SP3: variants seen among roughly 807,000 people sequenced by gnomAD.
SP3 encodes Sp3 transcription factor.
Under a neutral mutation model 70.3 loss-of-function variants are expected in SP3, and 10 were observed. The observed-to-expected ratio is 0.14, with a 90% CI of 0.09 to 0.24. The LOEUF (loss-of-function observed/expected upper bound fraction) is 0.24, where lower values mean the gene tolerates loss of function less well. Among genes scored for constraint, SP3 ranks in the 10% least tolerant of loss-of-function variants. The probability of loss-of-function intolerance (pLI) is 1.00; values close to 1 mark genes in which losing one functional copy is unlikely to be tolerated. For synonymous variants in SP3, 402 were observed against 333.5 expected (o/e 1.21, Z -2.24); for missense variants, 825 against 914.6 (o/e 0.90, Z 1.26).
At chr2:173,940,755 C>T (rs1456972267) in intron 4 of SP3, among the ~76,000 whole-genome samples, 1 of 152,172 alleles carries the variant, frequency 6.6e-6, no homozygotes, top group Non-Finnish European at 1.5e-5. Flanking sequence ...CTCAGATGAC[C>T]ACTTCATACC....
intron 4 of SP3, among the ~76,000 whole-genome samples, chr2:173,930,201 G>C (rs1032825842): frequency 1.3e-5 from 2 of 152,134 alleles, no homozygotes; most frequent in Non-Finnish European, 2.9e-5. Flanking sequence ...TCATAACCCT[G>C]ACTGGATCCT....
intron 4 of SP3, among the ~76,000 whole-genome samples, chr2:173,938,140 A>G (rs765466260): frequency 6.6e-5 from 10 of 152,202 alleles, no homozygotes; most frequent in Non-Finnish European, 1.5e-4. Flanking sequence ...ATTTAACACA[A>G]TTACAGAATT....
chr2:173,909,747 C>A lies in SP3; in HGVS notation c.*194G>T. ...TAGATTCCAAAAGTACCTACAAAAC[C>A]CATGCAATTTTACCATTTTTAATAT... On this transcript the variant is annotated 3_prime_UTR_variant, in exon 7 of 7. Transcript: ENST00000310015. 2 of 463,232 alleles carry A rather than the reference C, an allele frequency of 4.3e-6. No homozygotes were observed. The highest frequency in any genetic ancestry group is 7.7e-6 in the Non-Finnish European group (2 of 260,910). The allele number at this position is 463,232 out of a possible 1,614,324, so 28.7% of individuals were successfully genotyped here. A position where few individuals can be genotyped will look rare whatever the true frequency, so the allele number is the denominator to read the frequency against.
intron 4 of SP3, 46 bp from the exon 5 acceptor site, chr2:173,918,831 G>T: frequency 1.3e-6 from 2 of 1,516,396 alleles, no homozygotes; most frequent in Non-Finnish European, 1.8e-6. Flanking sequence ...CAACCAAATG[G>T]CCCAAAAAGA....
intron 4 of SP3, among the ~76,000 whole-genome samples, chr2:173,927,604 T>G (rs1689953372): frequency 6.6e-6 from 1 of 152,184 alleles, no homozygotes; most frequent in Non-Finnish European, 1.5e-5. Flanking sequence ...CTTGTTGAAA[T>G]GCAATGGTAA....
At chr2:173,964,018 T>C in intron 2 of SP3, 135 bp from the exon 3 acceptor site, 1 of 383,622 alleles carries the variant, frequency 2.6e-6, no homozygotes, top group African/African-American at 2.3e-5. Flanking sequence ...CGCGCTCTCC[T>C]CCTCCTCCTC....
At chr2:173,937,068 C>G (rs538209585) in intron 4 of SP3, among the ~76,000 whole-genome samples, 1 of 152,286 alleles carries the variant, frequency 6.6e-6, no homozygotes, top group East Asian at 1.9e-4. Flanking sequence ...AATCTGTAAG[C>G]TTCTTGAGAA....
intron 3 of SP3, among the ~76,000 whole-genome samples, chr2:173,956,703 T>C (rs952981484): frequency 2.0e-5 from 3 of 152,352 alleles, no homozygotes; most frequent in African/African-American, 7.2e-5. Flanking sequence ...ATTAACATAC[T>C]CTAAAGTAAA....
chr2:173,952,104 T>G (rs985252175), intron 4 of SP3, among the ~76,000 whole-genome samples: 2 of 151,400 alleles, frequency 1.3e-5, no homozygotes, highest in Non-Finnish European at 1.5e-5. Flanking sequence ...TCACTTCATT[T>G]TTTTTTTTTT....
intron 4 of SP3, among the ~76,000 whole-genome samples, chr2:173,928,633 C>T (rs192879218): frequency 1.3e-5 from 2 of 152,066 alleles, no homozygotes; most frequent in Non-Finnish European, 2.9e-5. Context: ...ATCCACTAAA[C>T]GACACCTATG....
rs76878361 is a variant in SP3 at position 173,952,982 on chromosome 2, A to G, written c.1639+1891T>C. Among the ~76,000 whole-genome samples, 584 of 152,374 alleles carry G rather than the reference A, an allele frequency of 3.8e-3. 2 individuals are homozygous for G. Among genetic ancestry groups the G allele is most frequent in the Non-Finnish European group, 6.9e-3 (469 of 68,034 alleles). Reference sequence around the variant, plus strand: ...GAAATTAGATAGTGATGATGGTTGTACAACTCTATGACCATAGTTACAACC... The same window carrying G: ...GAAATTAGATAGTGATGATGGTTGTGCAACTCTATGACCATAGTTACAACC... On this transcript the variant is annotated intron_variant, in intron 4 of 6. Transcript: ENST00000310015.
chr2:173,933,940 G>A (rs958060451), intron 4 of SP3, among the ~76,000 whole-genome samples: 1 of 151,376 alleles, frequency 6.6e-6, no homozygotes, highest in African/African-American at 2.4e-5. Context: ...CAAATGAAAA[G>A]CGGAAATAAG....
intron 2 of SP3, chr2:173,964,173 T>G: frequency 2.5e-6 from 1 of 399,050 alleles, no homozygotes; most frequent in Non-Finnish European, 4.4e-6. Context: ...GAGGGCACGC[T>G]GGGGCCCACA....
chr2:173,911,901 C>A (rs543121901), intron 6 of SP3, among the ~76,000 whole-genome samples: 1 of 149,400 alleles, frequency 6.7e-6, no homozygotes, highest in Non-Finnish European at 1.5e-5. Flanking sequence ...TCACTGCAAC[C>A]GCCGCCCCAT....
chr2:173,949,545 G>A (rs190945351), intron 4 of SP3, among the ~76,000 whole-genome samples: 2 of 152,166 alleles, frequency 1.3e-5, no homozygotes, highest in African/African-American at 2.4e-5. Context: ...ATAGATTAAT[G>A]TAAGAAAGAA....
In SP3 at chr2:173,955,721, A is replaced by G. The variant is rs376034563; in HGVS notation, c.791T>C (p.Ile264Thr). 87 of 1,614,100 alleles carry G rather than the reference A, an allele frequency of 5.4e-5. No individual in the cohort carries two copies. Among genetic ancestry groups the G allele is most frequent in the Non-Finnish European group, 2.0e-5 (24 of 1,180,042 alleles). The change falls in exon 4 of 7, where the codon ATT becomes ACT. Residue 264 changes from isoleucine (I) to threonine (T), a missense_variant. Around this residue, in one of 4 missense-constraint regions of SP3, gnomAD observed 678 missense variants for 651.6 expected, o/e 1.04. Coordinates refer to ENST00000310015, the MANE Select transcript of SP3 (RefSeq NM_003111.5). ...GACACTATTGATTGGTACAAACGTA[A>G]TATTTCCTGGCAGACCAAGAGGCAC... ...ANVPLGLPGN[I>T]TFVPINSVDL...
intron 3 of SP3, among the ~76,000 whole-genome samples, chr2:173,961,946 T>G (rs962199244): frequency 7.9e-5 from 12 of 151,150 alleles, no homozygotes; most frequent in East Asian, 1.9e-4. Flanking sequence ...TTTTTTTTTT[T>G]TTTTTTTTTT....
At chr2:173,935,117 T>A (rs1174787098) in intron 4 of SP3, among the ~76,000 whole-genome samples, 1 of 152,124 alleles carries the variant, frequency 6.6e-6, no homozygotes, top group Non-Finnish European at 1.5e-5. Context: ...CAGTGACTCA[T>A]GCCTGTAATT....
chr2:173,918,397 T>C (rs72911142), intron 5 of SP3, among the ~76,000 whole-genome samples, 196 bp downstream of exon 5: 10,774 of 152,150 alleles, frequency 0.071, 569 homozygotes, highest in African/African-American at 0.14. Context: ...ACTAATAATT[T>C]TAGTTTAAAA....
Sources: gnomAD v4.1 joint callset for allele counts (sites outside exome capture counted in the v4.1 genomes callset) on GRCh38, gnomAD v4.1.1 for gene constraint, gnomAD v4.1.1 regional missense constraint, MANE v1.5 for transcripts, NCBI Gene and HGNC (gene_info 2026-07-23, HGNC 2026-07-21) for gene names.